SEMA6A: variants seen among roughly 807,000 people sequenced by gnomAD.
SEMA6A encodes semaphorin-6A.
A neutral mutation model predicts 96.8 loss-of-function variants in SEMA6A; 25 were observed. That is an observed-to-expected ratio of 0.26 (90% CI 0.19 to 0.36). SEMA6A has a LOEUF of 0.36. Among genes scored for constraint, SEMA6A ranks in the 10% least tolerant of loss-of-function variants. The pLI, the probability that SEMA6A is intolerant of heterozygous loss-of-function variation, is 1.00. For synonymous variants in SEMA6A, 612 were observed against 518.0 expected, an observed-to-expected ratio of 1.18 and a Z score of -2.46; for missense variants, 1,363 against 1,323.1, an observed-to-expected ratio of 1.03 and a Z score of -0.47.
chr5:116,552,899 G>A (rs1760473356), intron 1 of SEMA6A, among the ~76,000 whole-genome samples: 1 of 152,100 alleles, frequency 6.6e-6, no homozygotes, highest in African/African-American at 2.4e-5. Context: ...TGGGTGTAGG[G>A]ATAAGTTACT....
At chr5:116,486,687 AC>A in intron 10 of SEMA6A, 61 bp downstream of exon 10, 2 of 1,358,670 alleles carry the variant, frequency 1.5e-6, no homozygotes, top group Non-Finnish European at 2.1e-6. Flanking sequence ...TTAGAAGAGA[AC>A]CCCCTGGGAG....
At chr5:116,511,307 G>A (rs1758390967) in intron 1 of SEMA6A, among the ~76,000 whole-genome samples, 1 of 152,120 alleles carries the variant, frequency 6.6e-6, no homozygotes, top group South Asian at 2.1e-4. Context: ...GAAGTCTGTA[G>A]ATGTCCAGTA....
intron 1 of SEMA6A, chr5:116,562,532 C>T (rs1052421215): frequency 1.1e-5 from 6 of 525,150 alleles, no homozygotes; most frequent in Admixed American, 5.4e-5. Context: ...CCACTCTTTC[C>T]GGTGTGGAGT....
intron 6 of SEMA6A, among the ~76,000 whole-genome samples, chr5:116,493,112 G>A (rs1337886204): frequency 6.6e-6 from 1 of 152,196 alleles, no homozygotes; most frequent in Non-Finnish European, 1.5e-5. Context: ...GGTGTGGCAA[G>A]AACAAGCAAG....
In SEMA6A at chr5:116,504,956, G is replaced by A. The variant is rs77211678; in HGVS notation, c.-12C>T. 1.5e-5 allele frequency: 24 copies of A among 1,560,124 alleles called. No homozygotes were observed. The highest frequency in any genetic ancestry group is 5.4e-5 in the African/African-American group (4 of 73,558). ...GCTTCTGACCTCATAGTAGTTCAGC[G>A]GGGAGACTTTATTTCTCTACTTCAC... On this transcript the variant is annotated 5_prime_UTR_variant, in exon 2 of 19. Transcript: ENST00000343348.
At chr5:116,473,207 C>A in intron 16 of SEMA6A, 114 bp from the exon 17 acceptor site, 1 of 982,284 alleles carries the variant, frequency 1.0e-6, no homozygotes, top group South Asian at 1.5e-5. Flanking sequence ...GTCCCCGATA[C>A]TAAGTAAGTG....
At chr5:116,455,459 G>A (rs886073691) in intron 18 of SEMA6A, among the ~76,000 whole-genome samples, 2 of 152,118 alleles carry the variant, frequency 1.3e-5, no homozygotes, top group Admixed American at 6.5e-5. Context: ...TAAATAAGAC[G>A]AGAAACACAA....
rs57285277 is a variant in SEMA6A, at chr5:116,460,783, CTTTTT to C, written c.1894+6795_1894+6799del. 7.0e-4 allele frequency among the ~76,000 whole-genome samples: 86 copies of C among 122,838 alleles called. 1 individual carries two copies. Among genetic ancestry groups the C allele is most frequent in the African/African-American group, 1.2e-3 (39 of 33,202 alleles). 80.6% of individuals were successfully genotyped at this position (122,838 alleles called of 152,430 possible). A position where few individuals can be genotyped will look rare whatever the true frequency, so the allele number is the denominator to read the frequency against. On this transcript the variant is annotated intron_variant, in intron 18 of 18. Coordinates refer to ENST00000343348, the MANE Select transcript of SEMA6A (RefSeq NM_020796.5). ...TTTCAGAGGTTAAAATTGTTAATCT[CTTTTT>C]TTTTTTTTTTTTTTTGAGACAAAGT...
rs1341804842 is a variant in SEMA6A, at chr5:116,444,058, G to A, written c.*2555C>T. The stretch of plus-strand genomic sequence containing the variant: ...GGGTGCTGCACTGCCAGTACTCTCG[G>A]GAGTCAAGCATGGGAAAGAAGGGGG... On this transcript the variant is annotated 3_prime_UTR_variant, in exon 19 of 19. Coordinates refer to ENST00000343348, the MANE Select transcript of SEMA6A (RefSeq NM_020796.5). 6.6e-6 allele frequency: 1 copy of A among 151,892 alleles called. No individual in the cohort carries two copies. Among genetic ancestry groups the A allele is most frequent in the African/African-American group, 2.4e-5 (1 of 41,362 alleles). The allele number at this position is 151,892 out of a possible 1,614,324, so 9.4% of individuals were successfully genotyped here. A position where few individuals can be genotyped will look rare whatever the true frequency, so the allele number is the denominator to read the frequency against.
At chr5:116,562,897 G>T in intron 1 of SEMA6A, 1 of 615,354 alleles carries the variant, frequency 1.6e-6, no homozygotes, top group Non-Finnish European at 3.1e-6. Flanking sequence ...CTGGGGCCCA[G>T]TCGGCCCTCG....
At chr5:116,557,400 C>T (rs762699012) in intron 1 of SEMA6A, among the ~76,000 whole-genome samples, 3 of 152,252 alleles carry the variant, frequency 2.0e-5, no homozygotes, top group East Asian at 1.9e-4. Flanking sequence ...TTAGTAGAGA[C>T]GGGGTTTTGC....
At chr5:116,514,966 C>G (rs530868875) in intron 1 of SEMA6A, among the ~76,000 whole-genome samples, 1 of 152,324 alleles carries the variant, frequency 6.6e-6, no homozygotes, top group East Asian at 1.9e-4. Context: ...GAAATTATTA[C>G]TCTGTTGCCA....
At chr5:116,555,597 G>C (rs1037081258) in intron 1 of SEMA6A, among the ~76,000 whole-genome samples, 1 of 152,030 alleles carries the variant, frequency 6.6e-6, no homozygotes, top group Non-Finnish European at 1.5e-5. Context: ...CTAGCTACTT[G>C]GGAGGCTGAG....
chr5:116,477,995 A>C lies in SEMA6A; in HGVS notation c.1568+19T>G. 1 of 1,613,956 alleles carries C rather than the reference A, an allele frequency of 6.2e-7. No homozygotes were observed. The highest frequency in any genetic ancestry group is 8.5e-7 in the Non-Finnish European group (1 of 1,179,852). ...AGCCACCATGGACTTTCTAATTGTC[A>C]ATGAGGCAAAATACATACTTTTTAC... On this transcript the variant is annotated intron_variant, in intron 14 of 18. Transcript: ENST00000343348.
chr5:116,450,795 T>G (rs1754578934), intron 18 of SEMA6A, among the ~76,000 whole-genome samples: 1 of 152,180 alleles, frequency 6.6e-6, no homozygotes, highest in Admixed American at 6.5e-5. Context: ...TTTCCTCATC[T>G]GCTTGTGTAA....
At chr5:116,447,894 A>G in intron 18 of SEMA6A, 83 bp from the exon 19 acceptor site, 1 of 1,141,148 alleles carries the variant, frequency 8.8e-7, no homozygotes, top group South Asian at 1.6e-5. Context: ...CTTGTTAATT[A>G]ATAACAGTAG....
intron 1 of SEMA6A, among the ~76,000 whole-genome samples, chr5:116,551,914 A>G (rs926038383): frequency 6.6e-6 from 1 of 152,242 alleles, no homozygotes; most frequent in East Asian, 1.9e-4. Flanking sequence ...TCTGACAGCT[A>G]TCGTAGGACT....
intron 1 of SEMA6A, among the ~76,000 whole-genome samples, chr5:116,534,284 G>A (rs1759617037): frequency 6.6e-6 from 1 of 152,138 alleles, no homozygotes; most frequent in Non-Finnish European, 1.5e-5. Context: ...TTGTTTTGCT[G>A]AAATTCACAT....
chr5:116,496,589 T>G (rs561864346), intron 4 of SEMA6A, among the ~76,000 whole-genome samples: 2 of 152,230 alleles, frequency 1.3e-5, no homozygotes, highest in Non-Finnish European at 2.9e-5. Context: ...AACAAGAGTG[T>G]GGAAATTTTT....
Sources: allele counts gnomAD v4.1 joint callset (sites outside exome capture counted in the v4.1 genomes callset), GRCh38; gene constraint gnomAD v4.1.1; transcripts MANE v1.5; gene names NCBI Gene and HGNC (gene_info 2026-07-23, HGNC 2026-07-21).